GAGE13: variants seen among roughly 807,000 people sequenced by gnomAD.
GAGE13 encodes G antigen 13.
At chrX:49,335,445 T>C (rs1221707498) in intron 3 of GAGE13, among the ~76,000 whole-genome samples, 2 of 110,806 alleles carry the variant, frequency 1.8e-5, no homozygotes, top group African/African-American at 3.2e-5. Flanking sequence ...GTGGGCCAGG[T>C]TGGAGTGCAG....
At position 49,337,708 on chromosome X, in the gene GAGE13, C is replaced by T. The variant is rs1211556419; in HGVS notation, c.332-1128C>T. On this transcript the variant is annotated intron_variant, in intron 4 of 4. Coordinates refer to ENST00000612958, the MANE Select transcript of GAGE13 (RefSeq NM_001098412.4). ...TTGTTATACTTTAAGTTTTAGGGTA[C>T]ATGTGCACGTTGTGCAGGTTAGTTA... Among the ~76,000 whole-genome samples, 43 of 60,817 alleles carry T rather than the reference C, an allele frequency of 7.1e-4. 2 individuals are homozygous for T. The highest frequency in any genetic ancestry group is 1.9e-3 in the African/African-American group (36 of 19,320). 52.8% of individuals were successfully genotyped at this position (60,817 alleles called of 115,157 possible). A position where few individuals can be genotyped will look rare whatever the true frequency, so the allele number is the denominator to read the frequency against.
Position 49,335,181 on chromosome X carries a change from T to C in GAGE13, c.206-1066T>C. 1.8e-5 allele frequency among the ~76,000 whole-genome samples: 2 copies of C among 108,230 alleles called. 1 individual carries two copies. 94.0% of individuals were successfully genotyped at this position (108,230 alleles called of 115,157 possible). A position where few individuals can be genotyped will look rare whatever the true frequency, so the allele number is the denominator to read the frequency against. On this transcript the variant is annotated intron_variant, in intron 3 of 4. Transcript: ENST00000612958. ...CATACATACGGATATATGTTTACTG[T>C]TATTAATGCTGAATTGTCTCGATAA...
intron 1 of GAGE13, among the ~76,000 whole-genome samples, chrX:49,331,932 G>T (rs1298622045): frequency 1.2e-5 from 1 of 80,424 alleles, no homozygotes; most frequent in East Asian, 3.5e-4. Context: ...TGAAGACGGG[G>T]TGAGTGCTGT....
At chrX:49,335,225 C>T (rs1355938839) in intron 3 of GAGE13, among the ~76,000 whole-genome samples, 134 of 103,477 alleles carry the variant, frequency 1.3e-3, no homozygotes, top group East Asian at 2.8e-3. Context: ...GTATTATGGT[C>T]CTTTACCCTA....
chrX:49,337,646 T>C (rs1453054378), intron 4 of GAGE13, among the ~76,000 whole-genome samples: 1 of 59,665 alleles, frequency 1.7e-5, no homozygotes, highest in Admixed American at 1.6e-4. Context: ...GCTTCTTTTT[T>C]TTCTTTTATT....
rs782485092 is a variant in GAGE13 at position 49,337,661 on chromosome X, T to G, written c.332-1175T>G. 3.1e-5 allele frequency among the ~76,000 whole-genome samples: 2 copies of G among 63,516 alleles called. 1 individual carries two copies. Among genetic ancestry groups the G allele is most frequent in the Admixed American group, 3.1e-4 (2 of 6,421 alleles). 55.2% of individuals were successfully genotyped at this position (63,516 alleles called of 115,157 possible). On this transcript the variant is annotated intron_variant, in intron 4 of 4. Transcript: ENST00000612958. ...GCTTCTTTTTTTTCTTTTATTTATT[T>G]ATTTATTTATTTATTTATTTATTGT... is the stretch of plus-strand genomic sequence containing the variant.
At chrX:49,337,744 C>T (rs2066489216) in intron 4 of GAGE13, among the ~76,000 whole-genome samples, 1 of 59,857 alleles carries the variant, frequency 1.7e-5, no homozygotes, top group Non-Finnish European at 3.7e-5. Context: ...CATATGTATA[C>T]ATGTGCCATG....
chrX:49,335,425 G>A (rs2066481984), intron 3 of GAGE13, among the ~76,000 whole-genome samples: 2 of 111,454 alleles, frequency 1.8e-5, no homozygotes, highest in Non-Finnish European at 3.8e-5. Flanking sequence ...TTGAGACGGA[G>A]TCTCTCTCTG....
intron 1 of GAGE13, among the ~76,000 whole-genome samples, chrX:49,332,110 G>A (rs1314228906): frequency 1.2e-5 from 1 of 81,011 alleles, no homozygotes; most frequent in Non-Finnish European, 3.1e-5. Flanking sequence ...CGGAGCGCCC[G>A]AGTGAGAAGC....
chrX:49,338,043 G>C (rs1602739715), intron 4 of GAGE13, among the ~76,000 whole-genome samples: 1 of 47,826 alleles, frequency 2.1e-5, no homozygotes, highest in Admixed American at 2.7e-4. Context: ...TGGTGTATAT[G>C]TGCCACATTT....
intron 1 of GAGE13, among the ~76,000 whole-genome samples, chrX:49,332,275 C>G (rs2066466819): frequency 1.2e-5 from 1 of 86,649 alleles, no homozygotes; most frequent in Non-Finnish European, 2.7e-5. Context: ...TTGTGATTCA[C>G]TAGGGTTTTC....
intron 3 of GAGE13, among the ~76,000 whole-genome samples, chrX:49,335,134 C>G (rs1463286189): frequency 1.2e-4 from 1 of 8,457 alleles, no homozygotes; most frequent in Non-Finnish European, 3.4e-4. Context: ...GCTGCCCACA[C>G]ACTCACACAC....
chrX:49,332,975 ATT>A lies in GAGE13; in HGVS notation c.84+163_84+164del, dbSNP rs1265532510. Among the ~76,000 whole-genome samples the A allele has an allele frequency of 5.5e-5, 4 of 72,500 alleles. No homozygotes were observed. The South Asian group carries it at 2.2e-3, about 41-fold the overall frequency. 63.0% of individuals were successfully genotyped at this position (72,500 alleles called of 115,157 possible). On this transcript the variant is annotated intron_variant, in intron 2 of 4. Coordinates refer to ENST00000612958, the MANE Select transcript of GAGE13 (RefSeq NM_001098412.4). The stretch of plus-strand genomic sequence containing the variant: ...ATGAAGGAAACATTGATTCTGGAGG[ATT>A]TTTTTTTTCCTCTCGTGTTCTTCAG...
At chrX:49,335,160 CAT>C (rs2066480325) in intron 3 of GAGE13, among the ~76,000 whole-genome samples, 2 of 106,445 alleles carry the variant, frequency 1.9e-5, no homozygotes, top group African/African-American at 6.9e-5. Context: ...CACACACATA[CAT>C]ACGGATATAT....
chrX:49,337,649 C>G (rs1336941637), intron 4 of GAGE13, among the ~76,000 whole-genome samples: 1 of 57,904 alleles, frequency 1.7e-5, no homozygotes, highest in African/African-American at 5.5e-5. Context: ...TCTTTTTTTT[C>G]TTTTATTTAT....
chrX:49,331,985 A>C (rs1233920728), intron 1 of GAGE13, among the ~76,000 whole-genome samples: 2 of 80,548 alleles, frequency 2.5e-5, no homozygotes, highest in Admixed American at 1.3e-4. Context: ...CCCCGACGAC[A>C]CAGGGCAGAT....
chrX:49,332,426 GAGCTGTGATCACGCCGCTGCACTCC>G (rs2066467796), intron 1 of GAGE13, among the ~76,000 whole-genome samples: 1 of 109,393 alleles, frequency 9.1e-6, no homozygotes, highest in Admixed American at 9.7e-5. Flanking sequence ...AGGCTGCAGT[GAGCTGTGATCACGCCGCTGCACTCC>G]AGCCTGAGCA....
chrX:49,335,129 C>G (rs1409413210), intron 3 of GAGE13, among the ~76,000 whole-genome samples: 1 of 21,869 alleles, frequency 4.6e-5, no homozygotes, highest in East Asian at 1.8e-3. Flanking sequence ...ACCGTGCTGC[C>G]CACACACTCA....
intron 4 of GAGE13, chrX:49,338,497 T>C (rs2066492992): frequency 9.0e-6 from 1 of 111,323 alleles, no homozygotes; most frequent in Non-Finnish European, 1.9e-5. Context: ...ATTGATAAGA[T>C]TTAAAGTTGA....
Sources: allele counts gnomAD v4.1 joint callset (sites outside exome capture counted in the v4.1 genomes callset), GRCh38; gene constraint gnomAD v4.1.1; transcripts MANE v1.5; gene names NCBI Gene and HGNC (gene_info 2026-07-23, HGNC 2026-07-21).